UBR3: variants seen among roughly 807,000 people sequenced by gnomAD.
UBR3 encodes E3 ubiquitin-protein ligase UBR3.
A neutral mutation model predicts 243.2 loss-of-function variants in UBR3; 85 were observed. The observed-to-expected ratio is 0.35, with a 90% CI of 0.29 to 0.42. The LOEUF is 0.42. UBR3 is among the 10% of genes least tolerant of loss of function. The probability of loss-of-function intolerance (pLI) is 1.00; values close to 1 mark genes in which losing one functional copy is unlikely to be tolerated. For synonymous variants in UBR3, 748 were observed against 799.8 expected (o/e 0.94, Z 1.09); for missense variants, 1,686 against 2,300.8 (o/e 0.73, Z 5.47).
intron 24 of UBR3, among the ~76,000 whole-genome samples, chr2:169,984,520 T>C (rs1295441836): frequency 6.6e-6 from 1 of 152,200 alleles, no homozygotes. Context: ...TGTACTTTTT[T>C]GGGGCCTGTC....
intron 18 of UBR3, among the ~76,000 whole-genome samples, chr2:169,930,376 T>C (rs143625102): frequency 7.2e-5 from 11 of 151,910 alleles, no homozygotes; most frequent in Non-Finnish European, 1.5e-4. Context: ...TTTAGGAAAT[T>C]AGTTGTTTTT....
intron 1 of UBR3, among the ~76,000 whole-genome samples, chr2:169,864,417 CA>C (rs1289750732): frequency 1.3e-5 from 2 of 152,084 alleles, no homozygotes; most frequent in African/African-American, 4.8e-5. Flanking sequence ...AAAATTTGAA[CA>C]ACTGGGATTA....
intron 25 of UBR3, among the ~76,000 whole-genome samples, chr2:169,987,695 A>T (rs2089085042): frequency 6.6e-6 from 1 of 152,050 alleles, no homozygotes; most frequent in Non-Finnish European, 1.5e-5. Flanking sequence ...TCTAGTCACA[A>T]TAAATTTAAT....
chr2:169,963,894 T>C (rs976326009), intron 24 of UBR3, among the ~76,000 whole-genome samples: 2 of 152,180 alleles, frequency 1.3e-5, no homozygotes, highest in Non-Finnish European at 2.9e-5. Flanking sequence ...TTAACATTGT[T>C]CTGTATTTGT....
At chr2:169,960,255 A>AG (rs2087506415) in intron 24 of UBR3, among the ~76,000 whole-genome samples, 1 of 150,602 alleles carries the variant, frequency 6.6e-6, no homozygotes, top group Non-Finnish European at 1.5e-5. Context: ...AAAAAAAAAA[A>AG]AGATTGTATA....
intron 18 of UBR3, among the ~76,000 whole-genome samples, chr2:169,931,074 G>A (rs1321759610): frequency 3.9e-5 from 6 of 152,128 alleles, no homozygotes; most frequent in African/African-American, 9.7e-5. Flanking sequence ...GATCAAGGCC[G>A]GGCGCAGTGG....
intron 5 of UBR3, among the ~76,000 whole-genome samples, chr2:169,888,787 C>T (rs1265073646): frequency 6.6e-6 from 1 of 152,110 alleles, no homozygotes; most frequent in Admixed American, 6.6e-5. Context: ...ATGCTTTTCT[C>T]ATTTATAATA....
intron 11 of UBR3, among the ~76,000 whole-genome samples, chr2:169,922,255 C>G (rs183003122): frequency 8.7e-5 from 13 of 150,252 alleles, no homozygotes; most frequent in Admixed American, 8.6e-4. Context: ...CACCATACTC[C>G]ACCCTGGGCC....
At position 169,886,313 on chromosome 2, in the gene UBR3, T is replaced by A. The variant is rs536819792; in HGVS notation, c.1039-4852T>A. ...AATATTTAATGTATTTCTTTTCCAG[T>A]GCAGGAATTGATTTTACAACATTCC... On this transcript the variant is annotated intron_variant, in intron 5 of 38. Coordinates refer to ENST00000272793, the MANE Select transcript of UBR3 (RefSeq NM_172070.4). Among the ~76,000 whole-genome samples, 6 of 152,304 alleles carry A rather than the reference T, an allele frequency of 3.9e-5. No homozygotes were observed. The South Asian group carries it at 1.2e-3, about 32-fold the overall frequency.
chr2:169,874,013 C>T (rs576695814), intron 2 of UBR3, among the ~76,000 whole-genome samples: 1 of 152,124 alleles, frequency 6.6e-6, no homozygotes, highest in East Asian at 1.9e-4. Context: ...AACGTAAGTA[C>T]ATAGCTTTAT....
intron 26 of UBR3, among the ~76,000 whole-genome samples, chr2:169,999,021 A>G (rs2089598103): frequency 6.6e-6 from 1 of 152,236 alleles, no homozygotes; most frequent in African/African-American, 2.4e-5. Flanking sequence ...CTAAAATACT[A>G]GTCTCACATT....
chr2:169,925,049 A>G (rs958751067), intron 13 of UBR3, among the ~76,000 whole-genome samples: 3 of 152,236 alleles, frequency 2.0e-5, no homozygotes, highest in Admixed American at 2.0e-4. Flanking sequence ...AACAAAAAAA[A>G]TGATGACTGC....
rs554092163 is a variant in UBR3 at position 169,871,062 on chromosome 2, C to T, written c.546-1174C>T. Reference sequence around the variant, plus strand: ...TTTTACAGCTTAAATAGCTTCTCTTCCCTTCTACTTATTTCTAGGCATTTT... The same window carrying T: ...TTTTACAGCTTAAATAGCTTCTCTTTCCTTCTACTTATTTCTAGGCATTTT... On this transcript the variant is annotated intron_variant, in intron 1 of 38. Coordinates refer to ENST00000272793, the MANE Select transcript of UBR3 (RefSeq NM_172070.4). 4.6e-5 allele frequency among the ~76,000 whole-genome samples: 7 copies of T among 150,844 alleles called. No individual in the cohort carries two copies. The East Asian group carries it at 1.4e-3, about 29-fold the overall frequency.
rs142044449 is a variant in UBR3, at chr2:169,981,732, G to T, written c.3635-4913G>T. The stretch of plus-strand genomic sequence containing the variant: ...TCATTAATTCTAACAGTCATACCAT[G>T]CTAATGTAAAGTTTAAGATGAAACT... On this transcript the variant is annotated intron_variant, in intron 24 of 38. Transcript: ENST00000272793. Among the ~76,000 whole-genome samples, 67 of 152,140 alleles carry T rather than the reference G, an allele frequency of 4.4e-4. 1 individual carries two copies. In the East Asian group the frequency reaches 0.011, roughly 25 times the overall value.
intron 26 of UBR3, among the ~76,000 whole-genome samples, chr2:170,000,058 G>A (rs1185271486): frequency 1.3e-5 from 2 of 151,940 alleles, no homozygotes; most frequent in African/African-American, 4.8e-5. Context: ...CCCGGGAGGC[G>A]GAGGTTGTGG....
chr2:170,013,540 A>C lies in UBR3; in HGVS notation c.4368-1741A>C, dbSNP rs2090146354. 2.6e-5 allele frequency among the ~76,000 whole-genome samples: 4 copies of C among 152,302 alleles called. No homozygotes were observed. In the South Asian group the frequency reaches 8.3e-4, roughly 32 times the overall value. ...TAATTCAGAAAGAATATTGCATAGG[A>C]GATCTTCCAGTCATAATCTGGAATA... is the stretch of plus-strand genomic sequence containing the variant. On this transcript the variant is annotated intron_variant, in intron 29 of 38. Coordinates refer to ENST00000272793, the MANE Select transcript of UBR3 (RefSeq NM_172070.4).
At chr2:169,919,245 G>A (rs2105342420) in intron 11 of UBR3, among the ~76,000 whole-genome samples, 1 of 152,296 alleles carries the variant, frequency 6.6e-6, no homozygotes, top group Non-Finnish European at 1.5e-5. Flanking sequence ...ACCATAGGGA[G>A]TCATTAAAAG....
chr2:169,994,531 T>G (rs1199346649), intron 26 of UBR3, 75 bp downstream of exon 26: 9 of 1,487,932 alleles, frequency 6.0e-6, no homozygotes, highest in Non-Finnish European at 8.2e-6. Context: ...TTACATGTCT[T>G]TTACCAAAAT....
intron 24 of UBR3, among the ~76,000 whole-genome samples, chr2:169,960,576 TG>T (rs1488800402): frequency 6.6e-6 from 1 of 152,150 alleles, no homozygotes; most frequent in African/African-American, 2.4e-5. Flanking sequence ...ATTATATTTT[TG>T]TTTTTTTACA....
Sources: gnomAD v4.1 joint callset for allele counts (sites outside exome capture counted in the v4.1 genomes callset) on GRCh38, gnomAD v4.1.1 for gene constraint, MANE v1.5 for transcripts, NCBI Gene and HGNC (gene_info 2026-07-23, HGNC 2026-07-21) for gene names.